KATNIP: variants seen among roughly 807,000 people sequenced by gnomAD.
KATNIP encodes the protein katanin-interacting protein.
In KATNIP, 126 loss-of-function variants were observed where a neutral mutation model predicts 174.0. That is an observed-to-expected ratio of 0.72 (90% CI 0.63 to 0.84). The LOEUF is 0.84. Ranked by LOEUF, KATNIP falls within the 40% of genes least tolerant of loss-of-function variation. The pLI, the probability that KATNIP is intolerant of heterozygous loss-of-function variation, is 0.00. For missense variants in KATNIP, 1,958 were observed against 2,109.7 expected, an observed-to-expected ratio of 0.93 and a Z score of 1.41; for synonymous variants, 810 against 835.7, an observed-to-expected ratio of 0.97 and a Z score of 0.53.
rs1424051167 is a variant in KATNIP, at chr16:27,721,570, T to G, written c.1618T>G (p.Ser540Ala). ...GCTGGCCTTCTAGGGCAAGAAAGAC[T>G]CCTCCCCGTGGACCTGCCCCTTCCA... ...VNRNLAGKKD[S>A]SPWTCPFHPP... The change falls in exon 14 of 28, where the codon TCC becomes GCC. Residue 540 changes from serine to alanine, a missense_variant. Physicochemically the swap from Ser to Ala is moderately conservative, Grantham distance 99. Around this residue, in one of 3 missense-constraint regions of KATNIP, gnomAD observed 1,557 missense variants for 1,617.8 expected, o/e 0.96. Coordinates refer to ENST00000261588, the MANE Select transcript of KATNIP (RefSeq NM_015202.5). 6.2e-7 allele frequency: 1 copy of G among 1,614,088 alleles called. No individual in the cohort carries two copies. Among genetic ancestry groups the G allele is most frequent in the Non-Finnish European group, 8.5e-7 (1 of 1,180,014 alleles).
At chr16:27,681,707 AGT>A (rs1872624205) in intron 8 of KATNIP, among the ~76,000 whole-genome samples, 177 bp downstream of exon 8, 1 of 152,186 alleles carries the variant, frequency 6.6e-6, no homozygotes, top group Non-Finnish European at 1.5e-5. Flanking sequence ...ATGGAGGGAG[AGT>A]GAGAGAGAGA....
chr16:27,590,182 G>A (rs1377833834), intron 2 of KATNIP, among the ~76,000 whole-genome samples: 1 of 151,724 alleles, frequency 6.6e-6, no homozygotes, highest in East Asian at 1.9e-4. Flanking sequence ...GTCTCTGCTT[G>A]CATTATTATC....
chr16:27,777,861 T>C lies in KATNIP; in HGVS notation c.4713-20T>C. The C allele has an allele frequency of 6.2e-7, 1 of 1,613,900 alleles. No homozygotes were observed. The highest frequency in any genetic ancestry group is 8.5e-7 in the Non-Finnish European group (1 of 1,179,742). ...CGGCCAGGAGCCTGATCGAATCTTG[T>C]GTTTCCTTCCTACCCTCAGTAATCA... On this transcript the variant is annotated intron_variant, in intron 26 of 27. Transcript: ENST00000261588. The surrounding 1 kb of genome is among the most constrained non-coding windows in gnomAD (Gnocchi z 4.4).
chr16:27,771,652 T>C lies in KATNIP; in HGVS notation c.4198T>C (p.Phe1400Leu). The change falls in exon 22 of 28, where the codon TTC (phenylalanine) becomes CTC (leucine). Residue 1400 changes from phenylalanine to leucine, a missense_variant and splice_region_variant. This residue lies in a region of KATNIP where 383 missense variants were observed against 456.0 expected (regional missense o/e 0.84). Transcript: ENST00000261588. ...DYEAPLMPCG[F>L]IFQFQLLTSW... ...CGAGGCACCGCTGATGCCCTGTGGC[T>C]GTATCCTTCTCCTCCCGCCCCACCA... The C allele has an allele frequency of 6.2e-7, 1 of 1,613,250 alleles. No individual in the cohort carries two copies. Among genetic ancestry groups the C allele is most frequent in the Non-Finnish European group, 8.5e-7 (1 of 1,179,542 alleles).
chr16:27,681,926 G>C (rs905180750), intron 8 of KATNIP, among the ~76,000 whole-genome samples: 3 of 152,252 alleles, frequency 2.0e-5, no homozygotes, highest in Admixed American at 2.0e-4. Flanking sequence ...TTACTCTCCT[G>C]ATGAATATGT....
intron 1 of KATNIP, among the ~76,000 whole-genome samples, chr16:27,560,008 G>C (rs2089801199): frequency 6.7e-6 from 1 of 150,034 alleles, no homozygotes; most frequent in South Asian, 2.1e-4. Flanking sequence ...AAAAATCCAG[G>C]TGTGGTGGCT....
intron 1 of KATNIP, among the ~76,000 whole-genome samples, chr16:27,572,991 C>T (rs187855087): frequency 1.2e-4 from 18 of 152,358 alleles, no homozygotes; most frequent in Non-Finnish European, 1.5e-4. Flanking sequence ...CCCTCACTCA[C>T]GTGCAGACTT....
At chr16:27,760,779 C>G (rs566801542) in intron 18 of KATNIP, among the ~76,000 whole-genome samples, 3 of 152,118 alleles carry the variant, frequency 2.0e-5, no homozygotes, top group Non-Finnish European at 4.4e-5. Context: ...ACCAAGATCA[C>G]GCGATTACAG....
At chr16:27,625,523 T>G (rs914887464) in intron 3 of KATNIP, among the ~76,000 whole-genome samples, 1 of 152,246 alleles carries the variant, frequency 6.6e-6, no homozygotes, top group African/African-American at 2.4e-5. Flanking sequence ...GTTTGGAAAT[T>G]GTCTCTTAGT....
At chr16:27,615,976 A>G (rs2076024438) in intron 2 of KATNIP, among the ~76,000 whole-genome samples, 1 of 152,186 alleles carries the variant, frequency 6.6e-6, no homozygotes, top group South Asian at 2.1e-4. Flanking sequence ...CAAATGCCCT[A>G]CTTGCCATTT....
In KATNIP at chr16:27,589,117, G is replaced by A. The variant is rs1304805764; in HGVS notation, c.63+15161G>A. ...GACAGGGTTTCACCATGTTGGCCAG[G>A]CTGGTTTCAAACTCCCCGCCTCAAG... is the stretch of plus-strand genomic sequence containing the variant. On this transcript the variant is annotated intron_variant, in intron 2 of 27. Coordinates refer to ENST00000261588, the MANE Select transcript of KATNIP (RefSeq NM_015202.5). Among the ~76,000 whole-genome samples the A allele has an allele frequency of 5.9e-5, 9 of 151,450 alleles. No homozygotes were observed. In the East Asian group the frequency reaches 1.5e-3, roughly 26 times the overall value.
chr16:27,702,138 G>A (rs969517633), intron 11 of KATNIP, among the ~76,000 whole-genome samples: 10 of 152,256 alleles, frequency 6.6e-5, no homozygotes, highest in African/African-American at 2.4e-4. Context: ...CAGCCCTAAA[G>A]CTCTCAAATT....
rs544654938 is a variant in KATNIP, at chr16:27,709,321, TAAA to T, written c.1605+415_1605+417del. 2.5e-5 allele frequency among the ~76,000 whole-genome samples: 3 copies of T among 120,250 alleles called. No individual in the cohort carries two copies. In the Admixed American group the frequency reaches 2.7e-4, roughly 11 times the overall value. 78.9% of individuals were successfully genotyped at this position (120,250 alleles called of 152,430 possible). On this transcript the variant is annotated intron_variant, in intron 13 of 27. Transcript: ENST00000261588. ...GAGCAACAGAGTAAGACCCTGTCTC[TAAA>T]AAAAAAAAAAAAATAGGCCGGGTAT... is the stretch of plus-strand genomic sequence containing the variant.
intron 6 of KATNIP, among the ~76,000 whole-genome samples, chr16:27,657,367 G>C (rs1324533999): frequency 3.3e-5 from 5 of 152,056 alleles, no homozygotes; most frequent in Non-Finnish European, 7.4e-5. Flanking sequence ...TTTCAAAATA[G>C]AAAAAGCTAG....
At chr16:27,694,053 C>T (rs1179330958) in intron 8 of KATNIP, among the ~76,000 whole-genome samples, 2 of 152,164 alleles carry the variant, frequency 1.3e-5, no homozygotes, top group African/African-American at 4.8e-5. Context: ...GGGGCATTTG[C>T]ACTCACAGCC....
chr16:27,706,011 A>C (rs1202619624), intron 12 of KATNIP, among the ~76,000 whole-genome samples: 3 of 152,186 alleles, frequency 2.0e-5, no homozygotes, highest in African/African-American at 7.2e-5. Context: ...CAGAAAATCC[A>C]GGGCAAACTG....
chr16:27,658,390 G>A (rs1416717977), intron 6 of KATNIP, among the ~76,000 whole-genome samples: 3 of 152,188 alleles, frequency 2.0e-5, no homozygotes, highest in Non-Finnish European at 4.4e-5. Context: ...CAGTGATTCT[G>A]AACCAGAGAC....
chr16:27,699,031 G>T (rs1027269630), intron 9 of KATNIP, among the ~76,000 whole-genome samples: 1 of 152,236 alleles, frequency 6.6e-6, no homozygotes, highest in Admixed American at 6.5e-5. Context: ...GGTAGATCAG[G>T]GACCTTGGGG....
rs2078996063 is a variant in KATNIP at position 27,698,581 on chromosome 16, G to A, written c.1113+81G>A. ...TGAGCTGCAGTTGAGAAGAGCAAGT[G>A]TGCAGAAGAGAGAGGTGTAGTGGGC... On this transcript the variant is annotated intron_variant, in intron 9 of 27. Coordinates refer to ENST00000261588, the MANE Select transcript of KATNIP (RefSeq NM_015202.5). 4 of 1,391,750 alleles carry A rather than the reference G, an allele frequency of 2.9e-6. No homozygotes were observed. In the South Asian group the frequency reaches 4.4e-5, roughly 15 times the overall value. The allele number at this position is 1,391,750 out of a possible 1,614,324, so 86.2% of individuals were successfully genotyped here.
Sources: gnomAD v4.1 joint callset for allele counts (sites outside exome capture counted in the v4.1 genomes callset) on GRCh38, gnomAD v4.1.1 for gene constraint, gnomAD v4.1.1 regional missense constraint, Gnocchi (gnomAD v3.1) non-coding constraint, MANE v1.5 for transcripts, NCBI Gene and HGNC (gene_info 2026-07-23, HGNC 2026-07-21) for gene names.